Variants in CCNG1 observed in about 807,000 individuals in gnomAD.
The protein encoded by CCNG1 is cyclin G1, also known as cyclin-G1.
Under a neutral mutation model 30.0 loss-of-function variants are expected in CCNG1, and 13 were observed. That is an observed-to-expected ratio of 0.43 (90% CI 0.28 to 0.69). The LOEUF (loss-of-function observed/expected upper bound fraction) is 0.69, where lower values mean the gene tolerates loss of function less well. Ranked by LOEUF, CCNG1 falls within the 30% of genes least tolerant of loss-of-function variation. The pLI, the probability that CCNG1 is intolerant of heterozygous loss-of-function variation, is 0.16. For synonymous variants in CCNG1, 110 were observed against 121.5 expected (o/e 0.91, Z 0.62); for missense variants, 285 against 331.4 (o/e 0.86, Z 1.09).
At chr5:163,450,875 G>T (rs1321456859), downstream of CCNG1, 1 of 152,170 alleles carries the variant, frequency 6.6e-6, no homozygotes, top group Non-Finnish European at 1.5e-5. Flanking sequence ...AGTCAGGACA[G>T]CCAAAGGGTG....
the CCNG1 span, among the ~76,000 whole-genome samples, chr5:163,455,657 G>A: frequency 1.1e-4 from 16 of 151,892 alleles, no homozygotes; most frequent in Non-Finnish European, 2.1e-4. Flanking sequence ...CCAGCTACTC[G>A]GGAGGCTGAG....
the CCNG1 span, chr5:163,452,937 G>C: frequency 1.3e-5 from 2 of 152,200 alleles, no homozygotes; most frequent in African/African-American, 4.8e-5. Flanking sequence ...GGATCCTCTT[G>C]CTATATGGAC....
chr5:163,439,707 A>G (rs140685172), intron 2 of CCNG1, 187 bp downstream of exon 2: 21 of 512,834 alleles, frequency 4.1e-5, no homozygotes, highest in Non-Finnish European at 6.1e-5. Flanking sequence ...TATTAGACTT[A>G]AATTCTGAAA....
At chr5:163,455,936 C>T in the CCNG1 span, among the ~76,000 whole-genome samples, 3 of 152,180 alleles carry the variant, frequency 2.0e-5, no homozygotes, top group South Asian at 6.2e-4. Flanking sequence ...AGTAAGATTT[C>T]CTAATACATT....
At chr5:163,452,976 T>A in the CCNG1 span, 3 of 152,190 alleles carry the variant, frequency 2.0e-5, no homozygotes, top group South Asian at 6.2e-4. Context: ...TCAATGTGAA[T>A]GAAGTGAAGA....
chr5:163,453,898 A>T, the CCNG1 span: 5 of 785,318 alleles, frequency 6.4e-6, no homozygotes, highest in Non-Finnish European at 7.9e-6. Flanking sequence ...TTCTTCCATT[A>T]CATAATCTGT....
chr5:163,455,502 G>A, the CCNG1 span, among the ~76,000 whole-genome samples: 1 of 152,186 alleles, frequency 6.6e-6, no homozygotes, highest in Non-Finnish European at 1.5e-5. Context: ...GGTGGTTCAC[G>A]CCTGTAATCC....
chr5:163,450,171 G>C (rs1220795967), downstream of CCNG1: 1 of 152,316 alleles, frequency 6.6e-6, no homozygotes, highest in Middle Eastern at 3.4e-3. Flanking sequence ...TGAAGCACAA[G>C]AATCACTTGA....
the CCNG1 span, among the ~76,000 whole-genome samples, chr5:163,455,817 A>C: frequency 1.3e-5 from 2 of 150,282 alleles, no homozygotes; most frequent in Non-Finnish European, 2.9e-5. Flanking sequence ...ACCAATTAGA[A>C]CGTTATTAGA....
chr5:163,442,248 A>T (rs1315613415), intron 5 of CCNG1, 105 bp downstream of exon 5: 1 of 1,081,412 alleles, frequency 9.2e-7, no homozygotes, highest in Non-Finnish European at 1.3e-6. Context: ...TTTGAAACTT[A>T]AGTAGCTATC....
the CCNG1 span, chr5:163,453,840 C>T: frequency 2.2e-6 from 1 of 448,766 alleles, no homozygotes; most frequent in Non-Finnish European, 4.1e-6. Context: ...TTTTTAGAAC[C>T]ATTTTAAGAT....
downstream of CCNG1, chr5:163,445,876 G>GAAT (rs1581173386): frequency 1.3e-5 from 2 of 152,174 alleles, no homozygotes; most frequent in East Asian, 3.9e-4. Flanking sequence ...TGCTATGGAT[G>GAAT]CTATCCTTAA....
At chr5:163,457,151 T>G in the CCNG1 span, 2 of 1,472,404 alleles carry the variant, frequency 1.4e-6, no homozygotes, top group Non-Finnish European at 1.8e-6. Flanking sequence ...TTTTTTTTTT[T>G]TTGAGACAGT....
At chr5:163,452,488 G>GT in the CCNG1 span, 1 of 152,156 alleles carries the variant, frequency 6.6e-6, no homozygotes. Context: ...GAGCACCAAT[G>GT]TAATGATAAT....
chr5:163,442,491 C>A lies in CCNG1; in HGVS notation c.814C>A (p.Arg272Ser), dbSNP rs755997640. 2.5e-6 allele frequency: 4 copies of A among 1,613,874 alleles called. No individual in the cohort carries two copies. Among genetic ancestry groups the A allele is most frequent in the Non-Finnish European group, 3.4e-6 (4 of 1,179,832 alleles). ...GAAGTTGAAATGGATTGTTTCTGGG[C>A]GTACTGCACGGCAATTGAAGCATAG... ...VQKLKWIVSG[R>S]TARQLKHSYY... is the part of the protein sequence containing the mutation. Residue 272 changes from arginine to serine, a missense_variant, in exon 6 of 7, where the codon CGT becomes AGT. Physicochemically the swap from Arg to Ser is moderately radical, Grantham distance 110. Transcript: ENST00000340828.
At chr5:163,457,519 A>T in the CCNG1 span, 4 of 1,154,292 alleles carry the variant, frequency 3.5e-6, no homozygotes, top group Non-Finnish European at 5.2e-6. Context: ...AGATATCAAG[A>T]CAAAATTATT....
At chr5:163,438,552 G>A (rs147523154) in intron 1 of CCNG1, among the ~76,000 whole-genome samples, 58 of 152,148 alleles carry the variant, frequency 3.8e-4, no homozygotes, top group African/African-American at 1.4e-3. Flanking sequence ...CTTTATCAAT[G>A]TGGAACTAAG....
At chr5:163,445,710 G>A (rs911556622), downstream of CCNG1, among the ~76,000 whole-genome samples, 5 of 139,026 alleles carry the variant, frequency 3.6e-5, no homozygotes, top group South Asian at 4.5e-4. Flanking sequence ...TGCCCACCTC[G>A]TTCTCCCAAA....
At chr5:163,437,585 C>G (rs1757542572), upstream of CCNG1, 1 of 152,208 alleles carries the variant, frequency 6.6e-6, no homozygotes. Flanking sequence ...CTCGTTAGGG[C>G]AGGCGCGGCC....
Sources: allele counts gnomAD v4.1 joint callset (sites outside exome capture counted in the v4.1 genomes callset), GRCh38; gene constraint gnomAD v4.1.1; transcripts MANE v1.5; gene names NCBI Gene and HGNC (gene_info 2026-07-23, HGNC 2026-07-21).